Variants in OSBPL3 observed in about 807,000 individuals in gnomAD.
OSBPL3 encodes the protein oxysterol-binding protein-related protein 3.
OSBPL3 carries 65 observed loss-of-function variants against 120.1 expected under a neutral mutation model. The ratio of observed to expected loss-of-function variants is 0.54; its 90% CI spans 0.44 to 0.67. The LOEUF (loss-of-function observed/expected upper bound fraction) is 0.67. Among genes scored for constraint, OSBPL3 ranks in the 30% least tolerant of loss-of-function variants. The pLI is 0.00. For synonymous variants in OSBPL3, 416 were observed against 402.6 expected, an observed-to-expected ratio of 1.03 and a Z score of -0.40; for missense variants, 1,004 against 1,082.1, an observed-to-expected ratio of 0.93 and a Z score of 1.01.
chr7:24,861,666 G>T lies in OSBPL3; in HGVS notation c.974C>A (p.Thr325Asn). The change falls in exon 10 of 23, where the codon ACC becomes AAC. Residue 325 changes from threonine (T) to asparagine (N), a missense_variant. Thr to Asn is a moderately conservative substitution (Grantham distance 65). Transcript: ENST00000313367. The stretch of plus-strand genomic sequence containing the variant: ...TTGCATTTTAGAAAACTCTGATGAG[G>T]TTTCAGAGCCATCAGAATAATTTTT... ...EEKNYSDGSETSSEFSKMQED... is the reference protein window; with the variant it reads ...EEKNYSDGSENSSEFSKMQED... 6.2e-7 allele frequency: 1 copy of T among 1,609,996 alleles called. No individual in the cohort carries two copies. Among genetic ancestry groups the T allele is most frequent in the Middle Eastern group, 1.7e-4 (1 of 6,042 alleles).
chr7:24,906,504 C>T (rs192679367), intron 1 of OSBPL3: 89 of 198,048 alleles, frequency 4.5e-4, no homozygotes, highest in Non-Finnish European at 6.5e-4. Flanking sequence ...TTCATATTCT[C>T]TTTGTAGATA....
rs1370051160 is a variant in OSBPL3 at position 24,966,539 on chromosome 7, G to A, written c.-150+13347C>T. 2.0e-5 allele frequency among the ~76,000 whole-genome samples: 3 copies of A among 152,216 alleles called. No homozygotes were observed. The highest frequency in any genetic ancestry group is 4.4e-5 in the Non-Finnish European group (3 of 68,038). On this transcript the variant is annotated intron_variant, in intron 1 of 22. Coordinates refer to ENST00000313367, the MANE Select transcript of OSBPL3 (RefSeq NM_015550.4). This position sits in a 1 kb window ranked among gnomAD's most constrained non-coding sequence, Gnocchi z 4.8. ...AGGAATTACAAGTCAGAAGTATGAT[G>A]CATTGGCAGGTGTGCATGAAGAAGG...
chr7:24,960,132 A>T (rs115723875), intron 1 of OSBPL3, among the ~76,000 whole-genome samples: 13 of 152,282 alleles, frequency 8.5e-5, no homozygotes, highest in Middle Eastern at 3.4e-3. Context: ...CTTCCCTCCC[A>T]ATATTATTTT....
chr7:24,902,514 T>C (rs1807187906), intron 1 of OSBPL3, among the ~76,000 whole-genome samples: 1 of 152,086 alleles, frequency 6.6e-6, no homozygotes, highest in Non-Finnish European at 1.5e-5. Context: ...ATGAACAAAC[T>C]TGTATCTGCT....
intron 1 of OSBPL3, among the ~76,000 whole-genome samples, chr7:24,893,928 T>A (rs1327805259): frequency 2.0e-5 from 3 of 152,150 alleles, no homozygotes; most frequent in African/African-American, 7.2e-5. Flanking sequence ...TTTAACACAC[T>A]AAGTTCAAGT....
At chr7:24,842,026 G>C (rs1467690989) in intron 13 of OSBPL3, among the ~76,000 whole-genome samples, 1 of 151,274 alleles carries the variant, frequency 6.6e-6, no homozygotes, top group Non-Finnish European at 1.5e-5. Context: ...AAAAAAAAAA[G>C]TATAACAAAT....
intron 12 of OSBPL3, among the ~76,000 whole-genome samples, chr7:24,843,753 G>C (rs62449853): frequency 0.076 from 11,558 of 152,170 alleles, 580 homozygotes; most frequent in Non-Finnish European, 0.12. Context: ...CTAACAAAGA[G>C]ATCACTTTAG....
intron 10 of OSBPL3, among the ~76,000 whole-genome samples, chr7:24,858,648 C>A (rs1800127430): frequency 6.6e-6 from 1 of 152,184 alleles, no homozygotes; most frequent in South Asian, 2.1e-4. Flanking sequence ...GGACCTTTCT[C>A]CAGGACAAAC....
chr7:24,979,274 G>A (rs1396789996), intron 1 of OSBPL3, among the ~76,000 whole-genome samples: 1 of 133,256 alleles, frequency 7.5e-6, no homozygotes, highest in African/African-American at 2.9e-5. Flanking sequence ...CTGAACAGTA[G>A]TAATTGGAAA....
chr7:24,830,638 G>T lies in OSBPL3; in HGVS notation c.1884+130C>A. 1 of 937,908 alleles carries T rather than the reference G, an allele frequency of 1.1e-6. No individual in the cohort carries two copies. Among genetic ancestry groups the T allele is most frequent in the Non-Finnish European group, 1.6e-6 (1 of 632,314 alleles). The allele number at this position is 937,908 out of a possible 1,614,324, so 58.1% of individuals were successfully genotyped here. ...AAGGGAAATCGATCCCTCCCTTTAT[G>T]TTGAAAAGCACTGTAATTATCTCGG... On this transcript the variant is annotated intron_variant, in intron 16 of 22. Transcript: ENST00000313367. This position sits in a 1 kb window ranked among gnomAD's most constrained non-coding sequence, Gnocchi z 4.4.
In OSBPL3 at chr7:24,959,876, A is replaced by G. The variant is rs962139395; in HGVS notation, c.-150+20010T>C. 6.6e-6 allele frequency among the ~76,000 whole-genome samples: 1 copy of G among 152,206 alleles called. No individual in the cohort carries two copies. Among genetic ancestry groups the G allele is most frequent in the Non-Finnish European group, 1.5e-5 (1 of 68,022 alleles). On this transcript the variant is annotated intron_variant, in intron 1 of 22. Coordinates refer to ENST00000313367, the MANE Select transcript of OSBPL3 (RefSeq NM_015550.4). This position sits in a 1 kb window ranked among gnomAD's most constrained non-coding sequence, Gnocchi z 4.3. ...TGAAAACCGAACTTGAACAAAAAAG[A>G]ATTTTCTATTTCCGAAACAATGCAT... is the stretch of plus-strand genomic sequence containing the variant.
In OSBPL3 at chr7:24,937,480, G is replaced by C. The variant is rs1202800104; in HGVS notation, c.-150+42406C>G. On this transcript the variant is annotated intron_variant, in intron 1 of 22. Transcript: ENST00000313367. This position sits in a 1 kb window ranked among gnomAD's most constrained non-coding sequence, Gnocchi z 4.0. ...ACCCATAAGGATACATATAGTTTTA[G>C]TTCTTTCTGCTTTATAGAATTTAAT... Among the ~76,000 whole-genome samples the C allele has an allele frequency of 2.0e-5, 3 of 152,086 alleles. No homozygotes were observed. The highest frequency in any genetic ancestry group is 2.0e-4 in the Admixed American group (3 of 15,270).
In OSBPL3 at chr7:24,854,090, A is replaced by T. The variant is rs1288204608; in HGVS notation, c.1028-1456T>A. On this transcript the variant is annotated intron_variant, in intron 10 of 22. Coordinates refer to ENST00000313367, the MANE Select transcript of OSBPL3 (RefSeq NM_015550.4). The surrounding 1 kb of genome is among the most constrained non-coding windows in gnomAD (Gnocchi z 4.1). ...AGCACACACACACACACAAATCATT[A>T]TTCATTAGGTTTTGATCACATCATG... is the stretch of plus-strand genomic sequence containing the variant. Among the ~76,000 whole-genome samples the T allele has an allele frequency of 1.3e-5, 2 of 152,138 alleles. No individual in the cohort carries two copies. The highest frequency in any genetic ancestry group is 2.9e-5 in the Non-Finnish European group (2 of 68,028).
At position 24,900,027 on chromosome 7, in the gene OSBPL3, T is replaced by C. The variant is rs1346434717; in HGVS notation, c.-149-7406A>G. On this transcript the variant is annotated intron_variant, in intron 1 of 22. Transcript: ENST00000313367. This position sits in a 1 kb window ranked among gnomAD's most constrained non-coding sequence, Gnocchi z 4.5. ...TGTGTATGTGTGACGTGGCAGAGGG[T>C]AGGAAGCTAAAACCCTCTTTTATTA... Among the ~76,000 whole-genome samples the C allele has an allele frequency of 6.6e-6, 1 of 152,200 alleles. No individual in the cohort carries two copies. Among genetic ancestry groups the C allele is most frequent in the Admixed American group, 6.5e-5 (1 of 15,278 alleles).
At position 24,953,489 on chromosome 7, in the gene OSBPL3, A is replaced by G. The variant is rs1476978754; in HGVS notation, c.-150+26397T>C. 1.3e-5 allele frequency among the ~76,000 whole-genome samples: 2 copies of G among 152,248 alleles called. No individual in the cohort carries two copies. Among genetic ancestry groups the G allele is most frequent in the African/African-American group, 4.8e-5 (2 of 41,466 alleles). On this transcript the variant is annotated intron_variant, in intron 1 of 22. Transcript: ENST00000313367. This position sits in a 1 kb window ranked among gnomAD's most constrained non-coding sequence, Gnocchi z 4.3. ...TGCTGAATTGTAATCAGACTTGAAT[A>G]ATCATCTTAAATAAAAGTTTATTAA...
At chr7:24,858,813 C>T (rs1800148978) in intron 10 of OSBPL3, among the ~76,000 whole-genome samples, 1 of 152,184 alleles carries the variant, frequency 6.6e-6, no homozygotes, top group African/African-American at 2.4e-5. Context: ...GTATGGCAAC[C>T]TTTGTCCTGC....
chr7:24,975,791 T>C (rs1222589121), intron 1 of OSBPL3, among the ~76,000 whole-genome samples: 5 of 152,146 alleles, frequency 3.3e-5, no homozygotes, highest in Non-Finnish European at 5.9e-5. Flanking sequence ...TTTCTCATAT[T>C]TTAAAAAAAC....
At position 24,871,425 on chromosome 7, in the gene OSBPL3, G is replaced by A. The variant is rs1218503446; in HGVS notation, c.267+317C>T. On this transcript the variant is annotated intron_variant, in intron 4 of 22. Coordinates refer to ENST00000313367, the MANE Select transcript of OSBPL3 (RefSeq NM_015550.4). This position sits in a 1 kb window ranked among gnomAD's most constrained non-coding sequence, Gnocchi z 4.8. ...CCGGAATCTCTCGGTCACAGTGCAA[G>A]AGGGAGGGATGCCCTATGTTTTGTT... 3.3e-5 allele frequency among the ~76,000 whole-genome samples: 5 copies of A among 152,196 alleles called. No homozygotes were observed. The highest frequency in any genetic ancestry group is 9.6e-5 in the African/African-American group (4 of 41,452).
At chr7:24,859,083 C>T (rs374246250) in intron 10 of OSBPL3, among the ~76,000 whole-genome samples, 29 of 152,238 alleles carry the variant, frequency 1.9e-4, no homozygotes, top group African/African-American at 6.7e-4. Context: ...TCATAACAGT[C>T]TAATGGTAAT....
Sources: allele counts gnomAD v4.1 joint callset (sites outside exome capture counted in the v4.1 genomes callset), GRCh38; gene constraint gnomAD v4.1.1; non-coding constraint Gnocchi (gnomAD v3.1); transcripts MANE v1.5; gene names NCBI Gene and HGNC (gene_info 2026-07-23, HGNC 2026-07-21).